CS: variants seen among roughly 807,000 people sequenced by gnomAD.
CS encodes the protein citrate synthase, mitochondrial.
CS carries 13 observed loss-of-function variants against 61.4 expected under a neutral mutation model. That is an observed-to-expected ratio of 0.21 (90% CI 0.14 to 0.34). The LOEUF (loss-of-function observed/expected upper bound fraction) is 0.34. Ranked by LOEUF, CS falls within the 10% of genes least tolerant of loss-of-function variation. CS has a pLI of 1.00. For synonymous variants in CS, 159 were observed against 215.2 expected (o/e 0.74, Z 2.29); for missense variants, 278 against 573.4 (o/e 0.48, Z 5.26).
intron 9 of CS, chr12:56,274,245 C>T (rs1461101907): frequency 1.7e-5 from 3 of 181,010 alleles, no homozygotes; most frequent in African/African-American, 2.4e-5. Flanking sequence ...CACTTGAACC[C>T]GAGAGGCGGA....
chr12:56,280,609 T>A (rs1360725838), intron 6 of CS, among the ~76,000 whole-genome samples: 1 of 151,218 alleles, frequency 6.6e-6, no homozygotes, highest in East Asian at 1.9e-4. Flanking sequence ...CCTGGGTGAT[T>A]AGAGAGAGAC....
intron 1 of CS, among the ~76,000 whole-genome samples, chr12:56,291,998 G>A (rs1166385282): frequency 1.3e-5 from 2 of 152,206 alleles, no homozygotes; most frequent in East Asian, 1.9e-4. Flanking sequence ...GAGGTGGGCT[G>A]TAGCCCTCAA....
chr12:56,291,080 G>T, intron 1 of CS: 1 of 337,576 alleles, frequency 3.0e-6, no homozygotes, highest in East Asian at 1.3e-4. Context: ...TTTCTAAAAT[G>T]GTAATAATAA....
chr12:56,282,430 T>G lies in CS; in HGVS notation c.578A>C (p.Lys193Thr), dbSNP rs201525280. The stretch of plus-strand genomic sequence containing the variant: ...ACCCAAATTTCCTACCTCCCAGTAC[T>G]TGGTTCGGCTGATACCCTGTGCATA... The part of the protein sequence containing the change: ...RAYAQGISRT[K>T]YWELIYEDSM... The change falls in exon 6 of 11, where the codon AAG (lysine) becomes ACG (threonine). Residue 193 changes from lysine (K) to threonine (T), a missense_variant. By Grantham distance (78) the Lys-to-Thr change is moderately conservative. Transcript: ENST00000351328. 35 of 1,601,384 alleles carry G rather than the reference T, an allele frequency of 2.2e-5. No homozygotes were observed. The East Asian group carries it at 7.8e-4, about 36-fold the overall frequency.
chr12:56,294,990 T>A (rs1873251146), intron 1 of CS, among the ~76,000 whole-genome samples: 1 of 151,904 alleles, frequency 6.6e-6, no homozygotes, highest in Non-Finnish European at 1.5e-5. Flanking sequence ...GGTCTCGAAC[T>A]CCTGACCTCA....
rs1872612571 is a variant in CS, at chr12:56,275,899, T to C, written c.788+97A>G. The C allele has an allele frequency of 1.0e-5, 11 of 1,056,830 alleles. No individual in the cohort carries two copies. In the Middle Eastern group the frequency reaches 9.0e-4, roughly 87 times the overall value. The allele number at this position is 1,056,830 out of a possible 1,614,324, so 65.5% of individuals were successfully genotyped here. ...CACGTTTCTGTCTTCTTGCTGCCTA[T>C]CATCTGTTCTCAGAAGATGAGAACA... is the stretch of plus-strand genomic sequence containing the variant. On this transcript the variant is annotated intron_variant, in intron 7 of 10. Transcript: ENST00000351328.
intron 4 of CS, among the ~76,000 whole-genome samples, chr12:56,283,203 T>TTACAGGGGCAA (rs1255204669): frequency 6.6e-6 from 1 of 152,178 alleles, no homozygotes; most frequent in African/African-American, 2.4e-5. Context: ...AGTGCTAGGA[T>TTACAGGGGCAA]TACAGGGGCA....
chr12:56,288,022 G>A lies in CS; in HGVS notation c.43-1377C>T, dbSNP rs532459818. On this transcript the variant is annotated intron_variant, in intron 1 of 10. Transcript: ENST00000351328. ...AACTAGGAATACGGCCTGAGGCAAG[G>A]AAATTAATTTTTCTGTACTAGATTT... is the stretch of plus-strand genomic sequence containing the variant. 2.2e-3 allele frequency among the ~76,000 whole-genome samples: 338 copies of A among 152,216 alleles called. 1 individual carries two copies. The highest frequency in any genetic ancestry group is 3.5e-3 in the Non-Finnish European group (235 of 68,008).
Position 56,289,477 on chromosome 12 carries a change from A to G in CS, c.43-2832T>C, listed in dbSNP as rs529703004. 4.6e-5 allele frequency among the ~76,000 whole-genome samples: 7 copies of G among 151,204 alleles called. No homozygotes were observed. In the South Asian group the frequency reaches 1.5e-3, roughly 32 times the overall value. ...TTTTTTTTTGAGACGGAGTCCCGCT[A>G]TGTTACCCAGGCCGGAGTGCAGTGG... On this transcript the variant is annotated intron_variant, in intron 1 of 10. Transcript: ENST00000351328.
At chr12:56,300,060 A>G in intron 1 of CS, 100 bp downstream of exon 1, 1 of 1,203,652 alleles carries the variant, frequency 8.3e-7, no homozygotes, top group East Asian at 2.8e-5. Flanking sequence ...TAAGGCGCGC[A>G]GGGTGCGCAC....
intron 6 of CS, among the ~76,000 whole-genome samples, chr12:56,278,287 T>G (rs1166970784): frequency 2.0e-5 from 3 of 152,136 alleles, no homozygotes; most frequent in African/African-American, 7.2e-5. Flanking sequence ...TGCGCCACCA[T>G]GCCTAATTTT....
intron 6 of CS, among the ~76,000 whole-genome samples, chr12:56,280,430 A>C (rs1351932975): frequency 7.1e-6 from 1 of 141,710 alleles, no homozygotes; most frequent in African/African-American, 2.5e-5. Flanking sequence ...AAAAACAAAA[A>C]AAAAAAACAA....
At chr12:56,299,963 C>CT (rs1349463065) in intron 1 of CS, 197 bp downstream of exon 1, 2 of 534,228 alleles carry the variant, frequency 3.7e-6, no homozygotes, top group African/African-American at 4.1e-5. Context: ...GCGGCGTGCA[C>CT]TTCACCCCCA....
At chr12:56,295,917 G>A (rs1254693178) in intron 1 of CS, among the ~76,000 whole-genome samples, 2 of 115,146 alleles carry the variant, frequency 1.7e-5, no homozygotes, top group Admixed American at 1.3e-4. Flanking sequence ...TCGAGCCACC[G>A]CACTCTAGCC....
intron 1 of CS, among the ~76,000 whole-genome samples, chr12:56,287,820 A>C (rs959294275): frequency 6.6e-6 from 1 of 151,970 alleles, no homozygotes; most frequent in Non-Finnish European, 1.5e-5. Flanking sequence ...ATGCTTGGCT[A>C]ATTTTTTTTG....
rs1056897392 is a variant in CS, at chr12:56,283,379, G to A, written c.268-388C>T. Among the ~76,000 whole-genome samples the A allele has an allele frequency of 2.6e-5, 4 of 152,148 alleles. No homozygotes were observed. The South Asian group carries it at 8.3e-4, about 32-fold the overall frequency. On this transcript the variant is annotated intron_variant, in intron 4 of 10. Transcript: ENST00000351328. ...CTGCCTCAGCCTCCCGAGTAGCTGG[G>A]ACTACAGGTGCCTGCCACCATGCCC...
Position 56,275,067 on chromosome 12 carries a change from G to C in CS, c.853C>G (p.Pro285Ala). The C allele has an allele frequency of 6.2e-7, 1 of 1,614,192 alleles. No homozygotes were observed. The change falls in exon 8 of 11, where the codon CCT (proline) becomes GCT (alanine). Residue 285 changes from proline (P) to alanine (A), a missense_variant. Coordinates refer to ENST00000351328, the MANE Select transcript of CS (RefSeq NM_004077.3). The stretch of plus-strand genomic sequence containing the variant: ...ATGGCTGCTGCAAAGGACAGGTAAG[G>C]GTCGGAAAGGGCACTGCCCACCAAA... ...SHLVGSALSD[P>A]YLSFAAAMNG...
At chr12:56,296,334 G>A (rs576566364) in intron 1 of CS, among the ~76,000 whole-genome samples, 15 of 152,150 alleles carry the variant, frequency 9.9e-5, no homozygotes, top group Admixed American at 3.3e-4. Context: ...GTGGCTGTGC[G>A]TGCCTGTGGT....
intron 6 of CS, 84 bp from the exon 7 acceptor site, chr12:56,276,279 G>T: frequency 1.5e-6 from 2 of 1,315,066 alleles, no homozygotes; most frequent in Non-Finnish European, 2.2e-6. Flanking sequence ...TGTCCTCCAT[G>T]AATTGGGGCT....
Sources: gnomAD v4.1 joint callset for allele counts (sites outside exome capture counted in the v4.1 genomes callset) on GRCh38, gnomAD v4.1.1 for gene constraint, MANE v1.5 for transcripts, NCBI Gene and HGNC (gene_info 2026-07-23, HGNC 2026-07-21) for gene names.